Variants in ACTR3C observed in about 807,000 individuals in gnomAD.
ACTR3C encodes actin related protein 3C.
In ACTR3C, 18 loss-of-function variants were observed where a neutral mutation model predicts 26.3. The observed-to-expected ratio is 0.68, with a 90% CI of 0.47 to 1.01. The LOEUF (loss-of-function observed/expected upper bound fraction) is 1.01, where lower values mean the gene tolerates loss of function less well. ACTR3C is among the 50% of genes least tolerant of loss of function. The pLI, the probability that ACTR3C is intolerant of heterozygous loss-of-function variation, is 0.00. For missense variants in ACTR3C, 184 were observed against 250.7 expected, an observed-to-expected ratio of 0.73 and a Z score of 1.80; for synonymous variants, 55 against 94.5, an observed-to-expected ratio of 0.58 and a Z score of 2.42.
chr7:149,915,209 T>C, the ACTR3C span, among the ~76,000 whole-genome samples: 1 of 151,990 alleles, frequency 6.6e-6, no homozygotes, highest in African/African-American at 2.4e-5. Flanking sequence ...ACTGTATACC[T>C]TGAATAACTA....
the ACTR3C span, among the ~76,000 whole-genome samples, chr7:150,082,167 T>C: frequency 3.9e-5 from 6 of 152,192 alleles, no homozygotes; most frequent in African/African-American, 1.4e-4. Flanking sequence ...ACAGGGACAC[T>C]TGCCTGTTCC....
chr7:150,166,520 G>A, the ACTR3C span, among the ~76,000 whole-genome samples: 613 of 150,782 alleles, frequency 4.1e-3, 34 homozygotes, highest in African/African-American at 0.014. Flanking sequence ...CCAACATGGC[G>A]AAACCCCGTC....
the ACTR3C span, among the ~76,000 whole-genome samples, chr7:149,999,393 A>G: frequency 1.3e-5 from 2 of 150,728 alleles, no homozygotes; most frequent in Non-Finnish European, 2.9e-5. Flanking sequence ...CCTGCCCTCA[A>G]AGGGCTCGCA....
the ACTR3C span, among the ~76,000 whole-genome samples, chr7:150,082,119 G>T: frequency 6.6e-6 from 1 of 152,212 alleles, no homozygotes. Flanking sequence ...TGGGTTGTGA[G>T]CTTAGAAAGC....
chr7:149,955,466 C>T, the ACTR3C span, among the ~76,000 whole-genome samples: 1 of 152,114 alleles, frequency 6.6e-6, no homozygotes, highest in African/African-American at 2.4e-5. Context: ...GAACTGAAAC[C>T]CTGATGTTTT....
At chr7:150,260,981 G>C (rs1423418542) in intron 6 of ACTR3C, among the ~76,000 whole-genome samples, 1 of 152,056 alleles carries the variant, frequency 6.6e-6, no homozygotes, top group East Asian at 1.9e-4. Context: ...AGATGACAAA[G>C]GCAATAAATT....
At chr7:150,056,105 C>T in the ACTR3C span, among the ~76,000 whole-genome samples, 113 of 152,274 alleles carry the variant, frequency 7.4e-4, no homozygotes, top group African/African-American at 2.6e-3. Flanking sequence ...TGGGTTGATG[C>T]TACTTTAGGT....
chr7:150,236,135 TA>T, the ACTR3C span, among the ~76,000 whole-genome samples: 6 of 152,362 alleles, frequency 3.9e-5, no homozygotes, highest in Non-Finnish European at 7.3e-5. Context: ...TTAATGCAAC[TA>T]AAATGTTGCT....
chr7:150,223,383 T>C, the ACTR3C span, among the ~76,000 whole-genome samples: 8 of 152,170 alleles, frequency 5.3e-5, no homozygotes, highest in African/African-American at 1.4e-4. Flanking sequence ...TAAATGTTCA[T>C]GTACAGGGTT....
the ACTR3C span, among the ~76,000 whole-genome samples, chr7:150,200,029 C>T: frequency 1.1e-4 from 17 of 152,188 alleles, no homozygotes; most frequent in Non-Finnish European, 1.0e-4. Flanking sequence ...GGTACAAGAC[C>T]GACCTATGAA....
the ACTR3C span, among the ~76,000 whole-genome samples, chr7:150,108,252 T>A: frequency 6.7e-6 from 1 of 149,798 alleles, no homozygotes; most frequent in East Asian, 2.0e-4. Flanking sequence ...CAAAATGTGG[T>A]CACTTTACTA....
chr7:150,109,666 A>G, the ACTR3C span, among the ~76,000 whole-genome samples: 2 of 149,888 alleles, frequency 1.3e-5, no homozygotes, highest in Non-Finnish European at 1.5e-5. Flanking sequence ...TTATCCTCCA[A>G]CCACGAGGAC....
the ACTR3C span, among the ~76,000 whole-genome samples, chr7:150,120,401 T>C: frequency 1.3e-5 from 2 of 152,086 alleles, no homozygotes; most frequent in East Asian, 1.9e-4. Flanking sequence ...ATAAAGGGGA[T>C]ATCAACACTG....
chr7:150,249,290 TA>T (rs1184615948), intron 6 of ACTR3C, among the ~76,000 whole-genome samples: 1 of 152,088 alleles, frequency 6.6e-6, no homozygotes, highest in Non-Finnish European at 1.5e-5. Flanking sequence ...AAGAAAATAA[TA>T]GTCACCTGCC....
the ACTR3C span, among the ~76,000 whole-genome samples, chr7:150,036,190 CA>C: frequency 6.9e-6 from 1 of 145,234 alleles, no homozygotes; most frequent in Non-Finnish European, 1.6e-5. Context: ...TCCCAAGAGC[CA>C]GGGGGGAAGA....
At chr7:149,929,840 A>G in the ACTR3C span, among the ~76,000 whole-genome samples, 14 of 152,318 alleles carry the variant, frequency 9.2e-5, no homozygotes, top group East Asian at 1.2e-3. Flanking sequence ...CAAATGACTT[A>G]TTAATTACAA....
the ACTR3C span, among the ~76,000 whole-genome samples, chr7:150,082,622 G>A: frequency 6.6e-6 from 1 of 152,150 alleles, no homozygotes; most frequent in Non-Finnish European, 1.5e-5. Flanking sequence ...CCATGGATAT[G>A]CATAATAATG....
At chr7:150,028,019 A>G in the ACTR3C span, among the ~76,000 whole-genome samples, 6 of 152,272 alleles carry the variant, frequency 3.9e-5, no homozygotes, top group Non-Finnish European at 7.3e-5. Flanking sequence ...AAAATTAAAA[A>G]CTTTAATAAA....
At chr7:150,037,078 C>T in the ACTR3C span, among the ~76,000 whole-genome samples, 1 of 113,866 alleles carries the variant, frequency 8.8e-6, no homozygotes, top group African/African-American at 3.1e-5. Flanking sequence ...GGGTGCCTCC[C>T]CCTCGTGCGA....
Sources: gnomAD v4.1 joint callset for allele counts (sites outside exome capture counted in the v4.1 genomes callset) on GRCh38, gnomAD v4.1.1 for gene constraint, MANE v1.5 for transcripts, NCBI Gene and HGNC (gene_info 2026-07-23, HGNC 2026-07-21) for gene names.